TBX5: variants seen among roughly 807,000 people sequenced by gnomAD.
The protein encoded by TBX5 is T-box transcription factor 5, also known as T-box transcription factor TBX5.
In TBX5, 8 loss-of-function variants were observed where a neutral mutation model predicts 51.1. The observed-to-expected ratio is 0.16, with a 90% CI of 0.09 to 0.28. TBX5 has a LOEUF of 0.28. Ranked by LOEUF, TBX5 falls within the 10% of genes least tolerant of loss-of-function variation. The pLI is 1.00. For missense variants in TBX5, 589 were observed against 671.7 expected, an observed-to-expected ratio of 0.88 and a Z score of 1.36; for synonymous variants, 302 against 266.4, an observed-to-expected ratio of 1.13 and a Z score of -1.30.
intron 3 of TBX5, among the ~76,000 whole-genome samples, chr12:114,400,363 G>A (rs981122474): frequency 2.0e-5 from 3 of 152,230 alleles, no homozygotes; most frequent in Non-Finnish European, 4.4e-5. Flanking sequence ...AAAAAGCTGA[G>A]GCCTGAACTA....
At chr12:114,393,114 C>T (rs991927054) in intron 6 of TBX5, among the ~76,000 whole-genome samples, 1 of 152,114 alleles carries the variant, frequency 6.6e-6, no homozygotes, top group African/African-American at 2.4e-5. Context: ...GTATTCTCTG[C>T]CAAGCCAGCC....
At chr12:114,408,217 T>G, upstream of TBX5, 1 of 985,246 alleles carries the variant, frequency 1.0e-6, no homozygotes, top group Non-Finnish European at 1.2e-6. Context: ...CAGCCACAGG[T>G]TCCGGACGTC....
chr12:114,403,060 C>T (rs976750451), intron 2 of TBX5, among the ~76,000 whole-genome samples: 1 of 152,254 alleles, frequency 6.6e-6, no homozygotes, highest in Non-Finnish European at 1.5e-5. Context: ...GACTTGAGCG[C>T]CCAGTGCGTC....
intron 7 of TBX5, among the ~76,000 whole-genome samples, chr12:114,370,293 A>AAAAGAAAAGAAAAGAAAAGAAAAGAAAAG (rs1869811763): frequency 3.1e-5 from 4 of 128,724 alleles, no homozygotes; most frequent in African/African-American, 8.9e-5. Context: ...GAAAAGAAAG[A>AAAAGAAAAGAAAAGAAAAGAAAAGAAAAG]AAAGAAAAGA....
chr12:114,364,132 T>A (rs1869386043), intron 8 of TBX5, among the ~76,000 whole-genome samples: 1 of 152,216 alleles, frequency 6.6e-6, no homozygotes, highest in South Asian at 2.1e-4. Flanking sequence ...AACGCAAGAT[T>A]GGTAAATGTC....
intron 7 of TBX5, 70 bp from the exon 8 acceptor site, chr12:114,366,461 G>C: frequency 6.7e-7 from 1 of 1,490,310 alleles, no homozygotes. Flanking sequence ...GGCTGAACCA[G>C]GTGTGAGAGA....
chr12:114,400,929 C>T (rs765681987), intron 3 of TBX5, among the ~76,000 whole-genome samples: 5 of 152,250 alleles, frequency 3.3e-5, no homozygotes, highest in Admixed American at 6.5e-5. Flanking sequence ...CGGCTCCACC[C>T]TCCCCCTTCA....
chr12:114,365,680 T>C (rs1869479514), intron 8 of TBX5, among the ~76,000 whole-genome samples: 3 of 151,630 alleles, frequency 2.0e-5, no homozygotes. Context: ...ACAACAAAAA[T>C]TTAGTACAGT....
rs1361235064 is a variant in TBX5 at position 114,383,799 on chromosome 12, T to TA, written c.755+1676dup. ...TATTCACCCCCTGCCCTTGACCTTG[T>TA]AAAAAGGAGGGAAGAAGTAAGAGAT... On this transcript the variant is annotated intron_variant, in intron 7 of 8. Coordinates refer to ENST00000405440, the MANE Select transcript of TBX5 (RefSeq NM_181486.4). 4.6e-5 allele frequency among the ~76,000 whole-genome samples: 7 copies of TA among 152,124 alleles called. No individual in the cohort carries two copies. In the East Asian group the frequency reaches 5.8e-4, roughly 13 times the overall value.
In TBX5 at chr12:114,355,638, G is replaced by A. The variant is rs768644203; in HGVS notation, c.1451C>T (p.Pro484Leu). The change falls in exon 9 of 9, where the codon CCC becomes CTC. Residue 484 changes from proline to leucine, a missense_variant. Physicochemically the swap from Pro to Leu is moderately conservative, Grantham distance 98. This residue lies in a region of TBX5 where 348 missense variants were observed against 360.4 expected (regional missense o/e 0.97). Transcript: ENST00000405440. Reference sequence around the variant, plus strand: ...GCCATGAGAGTAGAGGAACTCAGGGGGCTGAAGGGTGCCAGGGGACTGCAG... The same window carrying A: ...GCCATGAGAGTAGAGGAACTCAGGGAGCTGAAGGGTGCCAGGGGACTGCAG... The part of the protein sequence containing the change: ...TGLQSPGTLQ[P>L]PEFLYSHGVP... The A allele has an allele frequency of 7.4e-6, 12 of 1,614,074 alleles. No homozygotes were observed. The highest frequency in any genetic ancestry group is 9.3e-6 in the Non-Finnish European group (11 of 1,180,044).
Position 114,354,850 on chromosome 12 carries a change from C to G in TBX5, c.*682G>C, listed in dbSNP as rs531923731. ...TCCTGACTCCATGGGTAAGTAGAGG[C>G]AAAACTGAGCACGTGATATTGGAGA... On this transcript the variant is annotated 3_prime_UTR_variant, in exon 9 of 9. Transcript: ENST00000405440. 6.4e-5 allele frequency: 10 copies of G among 155,276 alleles called. No homozygotes were observed. The highest frequency in any genetic ancestry group is 2.4e-4 in the African/African-American group (10 of 41,502). The allele number at this position is 155,276 out of a possible 1,614,324, so 9.6% of individuals were successfully genotyped here.
chr12:114,368,791 G>A (rs946071415), intron 7 of TBX5, among the ~76,000 whole-genome samples: 2 of 152,122 alleles, frequency 1.3e-5, no homozygotes, highest in Non-Finnish European at 2.9e-5. Flanking sequence ...GGCCAGGCAG[G>A]AACACAGAGC....
At chr12:114,401,329 G>A (rs561950296) in intron 3 of TBX5, among the ~76,000 whole-genome samples, 2 of 152,272 alleles carry the variant, frequency 1.3e-5, no homozygotes, top group Admixed American at 1.3e-4. Flanking sequence ...TACATCCAAC[G>A]ATTCAGAGTT....
intron 6 of TBX5, 68 bp from the exon 7 acceptor site, chr12:114,385,635 G>T: frequency 7.7e-7 from 1 of 1,292,512 alleles, no homozygotes; most frequent in African/African-American, 1.5e-5. Context: ...CTCAGGACAT[G>T]AGCTAATAAT....
chr12:114,391,188 T>C (rs1344767444), intron 6 of TBX5, among the ~76,000 whole-genome samples: 1 of 152,246 alleles, frequency 6.6e-6, no homozygotes, highest in Non-Finnish European at 1.5e-5. Context: ...TGCTTTTCTT[T>C]TCCCTGCTCA....
intron 7 of TBX5, among the ~76,000 whole-genome samples, chr12:114,384,581 C>G (rs562980072): frequency 1.2e-4 from 18 of 152,246 alleles, no homozygotes; most frequent in Middle Eastern, 3.4e-3. Flanking sequence ...GGTCTCTTAT[C>G]TTTCTTTGAA....
chr12:114,385,975 T>C (rs545842673), intron 6 of TBX5, among the ~76,000 whole-genome samples: 3 of 152,140 alleles, frequency 2.0e-5, no homozygotes, highest in Non-Finnish European at 4.4e-5. Flanking sequence ...GTCATCTCCA[T>C]TGGAAGGGTT....
At chr12:114,356,161 A>G in intron 8 of TBX5, 55 bp from the exon 9 acceptor site, 1 of 1,553,732 alleles carries the variant, frequency 6.4e-7, no homozygotes, top group East Asian at 2.2e-5. Context: ...AGGCAGCTAA[A>G]AGTGGAGACA....
In TBX5 at chr12:114,394,735, G is replaced by A; in HGVS notation, c.663+6C>T. 2 of 1,614,026 alleles carry A rather than the reference G, an allele frequency of 1.2e-6. No homozygotes were observed. Among genetic ancestry groups the A allele is most frequent in the Non-Finnish European group, 1.7e-6 (2 of 1,179,976 alleles). On this transcript the variant is annotated splice_donor_region_variant and intron_variant, in intron 6 of 8. Coordinates refer to ENST00000405440, the MANE Select transcript of TBX5 (RefSeq NM_181486.4). ...CCAGGCACTGGTTCCTGGGCTTCAG[G>A]CTTACCTTGTGGTTCTGGTAGGAAG...
Sources: allele counts gnomAD v4.1 joint callset (sites outside exome capture counted in the v4.1 genomes callset), GRCh38; gene constraint gnomAD v4.1.1; regional missense constraint gnomAD v4.1.1; transcripts MANE v1.5; gene names NCBI Gene and HGNC (gene_info 2026-07-23, HGNC 2026-07-21).